The following NIPAL3 variants were observed in gnomAD, a reference collection of about 807,000 sequenced individuals.
NIPAL3 encodes the protein NIPA-like protein 3.
NIPAL3 carries 41 observed loss-of-function variants against 47.2 expected under a neutral mutation model. That is an observed-to-expected ratio of 0.87 (90% CI 0.68 to 1.13). NIPAL3 has a LOEUF of 1.13. NIPAL3 is among the 50% of genes most tolerant of loss of function. The pLI, the probability that NIPAL3 is intolerant of heterozygous loss-of-function variation, is 0.00. For missense variants in NIPAL3, 449 were observed against 530.1 expected (o/e 0.85, Z 1.50); for synonymous variants, 194 against 209.6 (o/e 0.93, Z 0.64).
At chr1:24,418,463 C>T (rs1644162176) in intron 1 of NIPAL3, among the ~76,000 whole-genome samples, 1 of 152,070 alleles carries the variant, frequency 6.6e-6, no homozygotes, top group Non-Finnish European at 1.5e-5. Flanking sequence ...AACCCTGTCT[C>T]TACAAAAAAA....
intron 2 of NIPAL3, among the ~76,000 whole-genome samples, chr1:24,439,962 C>A (rs544590559): frequency 6.6e-6 from 1 of 152,340 alleles, no homozygotes; most frequent in Non-Finnish European, 1.5e-5. Context: ...ACCAAAGTAT[C>A]CAATTCAGGG....
rs1557533108 is a variant in NIPAL3 at position 24,460,545 on chromosome 1, G to T, written c.926+1G>T. On this transcript the variant is annotated splice_donor_variant, in intron 10 of 11. Transcript: ENST00000374399. LOFTEE classifies it high-confidence loss of function. ...TGCACATCTGCATGTTTGCACTGGG[G>T]TGAGTTCTGTCCTGCTTGCCAGCCC... 6.3e-7 allele frequency: 1 copy of T among 1,576,986 alleles called. No individual in the cohort carries two copies. Among genetic ancestry groups the T allele is most frequent in the Non-Finnish European group, 8.6e-7 (1 of 1,166,550 alleles).
chr1:24,459,779 A>T (rs898015938), intron 9 of NIPAL3, among the ~76,000 whole-genome samples: 2 of 152,262 alleles, frequency 1.3e-5, no homozygotes, highest in Non-Finnish European at 2.9e-5. Context: ...AGTCAGGGTC[A>T]AGAAGCTTGG....
At chr1:24,438,470 C>T (rs1268284745) in intron 2 of NIPAL3, among the ~76,000 whole-genome samples, 1 of 152,246 alleles carries the variant, frequency 6.6e-6, no homozygotes, top group Non-Finnish European at 1.5e-5. Flanking sequence ...CTCCTGCCCT[C>T]TCCCGTCCCT....
intron 2 of NIPAL3, among the ~76,000 whole-genome samples, chr1:24,425,210 C>T (rs548220621): frequency 2.4e-4 from 36 of 152,292 alleles, no homozygotes; most frequent in African/African-American, 7.0e-4. Context: ...CTGGGTGGGG[C>T]GGGAGCTATA....
intron 2 of NIPAL3, among the ~76,000 whole-genome samples, chr1:24,426,381 A>G (rs1032127403): frequency 3.3e-5 from 5 of 150,416 alleles, no homozygotes; most frequent in African/African-American, 1.2e-4. Context: ...TGCAACCTCT[A>G]CCTTCTGGGA....
intron 2 of NIPAL3, among the ~76,000 whole-genome samples, chr1:24,420,836 C>T (rs1248365390): frequency 6.6e-6 from 1 of 152,130 alleles, no homozygotes; most frequent in African/African-American, 2.4e-5. Context: ...AAACCATGAA[C>T]ATCCTGGAGT....
At chr1:24,459,129 C>G (rs773405977) in intron 9 of NIPAL3, among the ~76,000 whole-genome samples, 153 bp downstream of exon 9, 8 of 152,124 alleles carry the variant, frequency 5.3e-5, no homozygotes, top group African/African-American at 1.7e-4. Context: ...CAGAGAGACC[C>G]GGGTTTGTAT....
At chr1:24,462,377 C>T (rs1189686207) in intron 10 of NIPAL3, among the ~76,000 whole-genome samples, 1 of 152,146 alleles carries the variant, frequency 6.6e-6, no homozygotes, top group African/African-American at 2.4e-5. Context: ...CTTTATTCAT[C>T]ATAGGTCTAA....
At chr1:24,414,695 C>T (rs12030088), upstream of NIPAL3, 28,917 of 151,728 alleles carry the variant, frequency 0.19, 3,225 homozygotes, top group East Asian at 0.3. Context: ...CCACCACGCC[C>T]GGCTAATTTT....
At chr1:24,463,892 G>A (rs890200333) in intron 10 of NIPAL3, 134 bp from the exon 11 acceptor site, 9 of 612,302 alleles carry the variant, frequency 1.5e-5, no homozygotes, top group Non-Finnish European at 2.5e-5. Context: ...GCCTCTCAGG[G>A]CTCCTTGGGC....
chr1:24,446,707 A>G (rs1645685992), intron 5 of NIPAL3, among the ~76,000 whole-genome samples: 1 of 152,074 alleles, frequency 6.6e-6, no homozygotes, highest in South Asian at 2.1e-4. Flanking sequence ...TGTCTTTGCT[A>G]TCGTGAATGT....
intron 2 of NIPAL3, among the ~76,000 whole-genome samples, chr1:24,435,438 C>A (rs1327769133): frequency 6.6e-6 from 1 of 152,090 alleles, no homozygotes; most frequent in Admixed American, 6.6e-5. Context: ...CATTTTAATT[C>A]CCTTGTCATT....
chr1:24,454,493 C>T lies in NIPAL3; in HGVS notation c.637+989C>T. On this transcript the variant is annotated intron_variant, in intron 7 of 11. Transcript: ENST00000374399. The surrounding 1 kb of genome is among the most constrained non-coding windows in gnomAD (Gnocchi z 4.1). ...TTCCTACTGTGTGCCCTACCACCGC[C>T]ACAAGCCATCAACCAAATAGATACC... 1.0e-6 allele frequency: 1 copy of T among 991,860 alleles called. No individual in the cohort carries two copies. Among genetic ancestry groups the T allele is most frequent in the Non-Finnish European group, 1.2e-6 (1 of 833,828 alleles). 61.4% of individuals were successfully genotyped at this position (991,860 alleles called of 1,614,324 possible).
At position 24,416,061 on chromosome 1, in the gene NIPAL3, T is replaced by A; in HGVS notation, c.-258+157T>A. 1.0e-6 allele frequency: 1 copy of A among 985,658 alleles called. No homozygotes were observed. Among genetic ancestry groups the A allele is most frequent in the Non-Finnish European group, 1.2e-6 (1 of 830,106 alleles). The allele number at this position is 985,658 out of a possible 1,614,324, so 61.1% of individuals were successfully genotyped here. The stretch of plus-strand genomic sequence containing the variant: ...TGGGTCCCGTTGCCTTGGAATGTTC[T>A]TTCCAGTTTTGCATCGAGGCCAAGA... On this transcript the variant is annotated intron_variant, in intron 1 of 11. Coordinates refer to ENST00000374399, the MANE Select transcript of NIPAL3 (RefSeq NM_020448.5). This position sits in a 1 kb window ranked among gnomAD's most constrained non-coding sequence, Gnocchi z 4.8.
intron 2 of NIPAL3, among the ~76,000 whole-genome samples, chr1:24,423,507 A>T (rs542066767): frequency 3.3e-4 from 50 of 152,282 alleles, no homozygotes; most frequent in South Asian, 1.0e-3. Flanking sequence ...GCGGGTGCCT[A>T]TAGTCCCAGC....
chr1:24,423,300 C>T (rs1282733706), intron 2 of NIPAL3, among the ~76,000 whole-genome samples: 2 of 152,174 alleles, frequency 1.3e-5, no homozygotes, highest in Non-Finnish European at 2.9e-5. Flanking sequence ...ATGGAGATGA[C>T]AGAGTAACTC....
chr1:24,435,896 G>A (rs144695670), intron 2 of NIPAL3, among the ~76,000 whole-genome samples: 240 of 152,314 alleles, frequency 1.6e-3, no homozygotes, highest in African/African-American at 4.7e-3. Context: ...ATTTCTCACA[G>A]TTCTGAAAGC....
chr1:24,443,792 C>T (rs1487582944), intron 4 of NIPAL3, among the ~76,000 whole-genome samples: 1 of 152,158 alleles, frequency 6.6e-6, no homozygotes, highest in African/African-American at 2.4e-5. Flanking sequence ...GCCAGAGTCT[C>T]AGCCTTTCCC....
Sources: gnomAD v4.1 joint callset for allele counts (sites outside exome capture counted in the v4.1 genomes callset) on GRCh38, gnomAD v4.1.1 for gene constraint, Gnocchi (gnomAD v3.1) non-coding constraint, MANE v1.5 for transcripts, NCBI Gene and HGNC (gene_info 2026-07-23, HGNC 2026-07-21) for gene names.